Variants in CAPN2 observed in about 807,000 individuals in gnomAD.
CAPN2 encodes the protein calpain-2 catalytic subunit.
A neutral mutation model predicts 102.3 loss-of-function variants in CAPN2; 92 were observed. The observed-to-expected ratio is 0.90, with a 90% CI of 0.76 to 1.07. The LOEUF (loss-of-function observed/expected upper bound fraction) is 1.07. Among genes scored for constraint, CAPN2 ranks in the 50% least tolerant of loss-of-function variants. The pLI, the probability that CAPN2 is intolerant of heterozygous loss-of-function variation, is 0.00. For missense variants in CAPN2, 800 were observed against 909.4 expected (o/e 0.88, Z 1.55); for synonymous variants, 340 against 355.4 (o/e 0.96, Z 0.49).
intron 2 of CAPN2, among the ~76,000 whole-genome samples, chr1:223,736,611 G>A (rs189282185): frequency 1.5e-3 from 236 of 152,296 alleles, no homozygotes; most frequent in Non-Finnish European, 2.8e-3. Flanking sequence ...CAGACTCCCA[G>A]AACCCTACCT....
chr1:223,731,048 A>G lies in CAPN2; in HGVS notation c.308-13052A>G, dbSNP rs1660324472. Among the ~76,000 whole-genome samples the G allele has an allele frequency of 6.6e-6, 1 of 152,172 alleles. No individual in the cohort carries two copies. Among genetic ancestry groups the G allele is most frequent in the Non-Finnish European group, 1.5e-5 (1 of 68,022 alleles). The stretch of plus-strand genomic sequence containing the variant: ...GATGGATTAATTCCAAGTTCAGATC[A>G]TGTTGGGAGTCAGCTGGGAGTCAGT... On this transcript the variant is annotated intron_variant, in intron 2 of 20. Coordinates refer to ENST00000295006, the MANE Select transcript of CAPN2 (RefSeq NM_001748.5). This position sits in a 1 kb window ranked among gnomAD's most constrained non-coding sequence, Gnocchi z 4.2.
Position 223,764,154 on chromosome 1 carries a change from CGGA to C in CAPN2, c.1639_1641del (p.Glu547del), listed in dbSNP as rs1558077293. The C allele has an allele frequency of 6.2e-7, 1 of 1,613,316 alleles. No individual in the cohort carries two copies. On this transcript the variant is annotated inframe_deletion, in exon 15 of 21. Coordinates refer to ENST00000295006, the MANE Select transcript of CAPN2 (RefSeq NM_001748.5). ...GCTCTGGTTATGTGTCCACAGGATG[CGGA>C]GATCTCTGCCTTTGAGCTGCAGACC...
At position 223,755,330 on chromosome 1, in the gene CAPN2, C is replaced by T. The variant is rs1327839510; in HGVS notation, c.1136-150C>T. 4.3e-6 allele frequency: 3 copies of T among 701,384 alleles called. No homozygotes were observed. The highest frequency in any genetic ancestry group is 7.2e-6 in the Non-Finnish European group (3 of 415,628). 43.4% of individuals were successfully genotyped at this position (701,384 alleles called of 1,614,324 possible). The stretch of plus-strand genomic sequence containing the variant: ...CATACTCTGCCATCTCCCACCATCC[C>T]CCACCACCTCTTACCATCTCCCACC... On this transcript the variant is annotated intron_variant, in intron 9 of 20. Transcript: ENST00000295006. The surrounding 1 kb of genome is among the most constrained non-coding windows in gnomAD (Gnocchi z 4.1).
intron 13 of CAPN2, chr1:223,761,862 C>T (rs1331240847): frequency 1.9e-6 from 1 of 522,178 alleles, no homozygotes; most frequent in African/African-American, 1.9e-5. Context: ...AACATTCCAG[C>T]TAGTCTTTAT....
intron 7 of CAPN2, 125 bp downstream of exon 7, chr1:223,751,100 ACGTGGACAGGGACC>A (rs1252641235): frequency 2.1e-5 from 18 of 870,868 alleles, no homozygotes; most frequent in South Asian, 7.5e-5. Flanking sequence ...AGCCCAGGCC[ACGTGGACAGGGACC>A]CGTGGACAGG....
intron 1 of CAPN2, among the ~76,000 whole-genome samples, chr1:223,715,333 G>C (rs180786975): frequency 2.0e-5 from 3 of 152,120 alleles, no homozygotes; most frequent in Non-Finnish European, 4.4e-5. Context: ...GAGGAGAACT[G>C]ATAGGTAGAG....
At chr1:223,767,354 AAC>A (rs1311302598) in intron 16 of CAPN2, among the ~76,000 whole-genome samples, 5 of 87,986 alleles carry the variant, frequency 5.7e-5, no homozygotes, top group Non-Finnish European at 1.0e-4. Context: ...CCCACCCCAC[AAC>A]AGTCCCCAGA....
At chr1:223,753,890 A>G (rs905612767) in intron 9 of CAPN2, among the ~76,000 whole-genome samples, 7 of 152,252 alleles carry the variant, frequency 4.6e-5, no homozygotes, top group Non-Finnish European at 1.0e-4. Flanking sequence ...GTATATACAA[A>G]TATTCCAAAA....
rs2102782616 is a variant in CAPN2, at chr1:223,727,477, G to T, written c.307+9646G>T. 6.6e-6 allele frequency among the ~76,000 whole-genome samples: 1 copy of T among 152,304 alleles called. No homozygotes were observed. The highest frequency in any genetic ancestry group is 1.5e-5 in the Non-Finnish European group (1 of 68,030). On this transcript the variant is annotated intron_variant, in intron 2 of 20. Coordinates refer to ENST00000295006, the MANE Select transcript of CAPN2 (RefSeq NM_001748.5). The surrounding 1 kb of genome is among the most constrained non-coding windows in gnomAD (Gnocchi z 4.1). ...TTGGGGGGTGCATGGAATGCCCCCA[G>T]TTGAGAACCACTGGCAGAGCAGGAG... is the stretch of plus-strand genomic sequence containing the variant.
At chr1:223,730,041 AC>A (rs1434213138) in intron 2 of CAPN2, among the ~76,000 whole-genome samples, 1 of 150,438 alleles carries the variant, frequency 6.6e-6, no homozygotes, top group Non-Finnish European at 1.5e-5. Context: ...AAAAACGAAA[AC>A]CTGAAATCAG....
At chr1:223,724,843 TGCACCTGTAGTTCCAGCTACTTG>T (rs1406491483) in intron 2 of CAPN2, among the ~76,000 whole-genome samples, 1 of 152,080 alleles carries the variant, frequency 6.6e-6, no homozygotes. Context: ...CATGGTGGTG[TGCACCTGTAGTTCCAGCTACTTG>T]GGAGGCTGAG....
Position 223,735,400 on chromosome 1 carries a change from C to T in CAPN2, c.308-8700C>T, listed in dbSNP as rs188484076. ...AAAATTAGCTGGGCATGGTGGTGGG[C>T]GCCTGTAATCCCAGCTACTCAGGAG... On this transcript the variant is annotated intron_variant, in intron 2 of 20. Coordinates refer to ENST00000295006, the MANE Select transcript of CAPN2 (RefSeq NM_001748.5). 4.1e-3 allele frequency among the ~76,000 whole-genome samples: 630 copies of T among 151,888 alleles called. 1 individual carries two copies. Among genetic ancestry groups the T allele is most frequent in the Admixed American group, 7.6e-3 (116 of 15,250 alleles).
At chr1:223,722,564 AC>A (rs1660081708) in intron 2 of CAPN2, among the ~76,000 whole-genome samples, 1 of 152,062 alleles carries the variant, frequency 6.6e-6, no homozygotes, top group Non-Finnish European at 1.5e-5. Flanking sequence ...TGCTGGGATT[AC>A]AGGTGCGAGT....
intron 7 of CAPN2, among the ~76,000 whole-genome samples, chr1:223,751,633 C>G (rs1660901577): frequency 7.4e-6 from 1 of 135,462 alleles, no homozygotes; most frequent in African/African-American, 3.6e-5. Context: ...CCGGAGGCTC[C>G]TCATCAGATC....
chr1:223,739,920 G>T (rs1433354747), intron 2 of CAPN2, among the ~76,000 whole-genome samples: 2 of 152,166 alleles, frequency 1.3e-5, no homozygotes, highest in Non-Finnish European at 2.9e-5. Flanking sequence ...ATTTTATCCG[G>T]ACCAGGATAT....
Position 223,752,028 on chromosome 1 carries a change from G to A in CAPN2, c.931G>A (p.Glu311Lys), listed in dbSNP as rs1299344355. The A allele has an allele frequency of 6.2e-7, 1 of 1,613,252 alleles. No individual in the cohort carries two copies. The highest frequency in any genetic ancestry group is 1.3e-5 in the African/African-American group (1 of 74,854). ...CPSWNTIDPE[E>K]RERLTRRHED... ...AAGCTGGAACACTATAGACCCAGAG[G>A]AGAGGGAAAGGCTGACCAGACGGCA... Residue 311 changes from glutamate (E) to lysine (K), a missense_variant, in exon 8 of 21, where the codon GAG becomes AAG. Transcript: ENST00000295006.
intron 2 of CAPN2, among the ~76,000 whole-genome samples, chr1:223,739,057 C>T (rs1369537701): frequency 3.9e-5 from 6 of 152,154 alleles, no homozygotes; most frequent in African/African-American, 1.2e-4. Context: ...TGGAATGTAT[C>T]GGGCACTCAG....
At chr1:223,718,046 A>T (rs1659927839) in intron 2 of CAPN2, among the ~76,000 whole-genome samples, 1 of 152,248 alleles carries the variant, frequency 6.6e-6, no homozygotes, top group South Asian at 2.1e-4. Flanking sequence ...TGTCCCCTGC[A>T]CAGGGCTAGT....
intron 1 of CAPN2, among the ~76,000 whole-genome samples, chr1:223,702,907 C>T (rs2102764581): frequency 6.6e-6 from 1 of 152,148 alleles, no homozygotes; most frequent in Admixed American, 6.5e-5. Flanking sequence ...AAGGAGGGGT[C>T]CATGGAAGCA....
Sources: gnomAD v4.1 joint callset for allele counts (sites outside exome capture counted in the v4.1 genomes callset) on GRCh38, gnomAD v4.1.1 for gene constraint, Gnocchi (gnomAD v3.1) non-coding constraint, MANE v1.5 for transcripts, NCBI Gene and HGNC (gene_info 2026-07-23, HGNC 2026-07-21) for gene names.